Variants in HHAT observed in about 807,000 individuals in gnomAD.
HHAT encodes hedgehog acyltransferase.
A neutral mutation model predicts 70.8 loss-of-function variants in HHAT; 47 were observed. The observed-to-expected ratio is 0.66, with a 90% confidence interval of 0.53 to 0.85. The LOEUF is 0.85. Ranked by LOEUF, HHAT falls within the 40% of genes least tolerant of loss-of-function variation. The pLI is 0.00. For synonymous variants in HHAT, 228 were observed against 247.6 expected (o/e 0.92, Z 0.74); for missense variants, 609 against 604.8 (o/e 1.01, Z -0.07).
chr1:210,537,411 T>C (rs1045585736), intron 9 of HHAT, among the ~76,000 whole-genome samples: 1 of 152,194 alleles, frequency 6.6e-6, no homozygotes, highest in African/African-American at 2.4e-5. Flanking sequence ...AGCGCAATTA[T>C]TGTATCCCTC....
intron 9 of HHAT, among the ~76,000 whole-genome samples, chr1:210,564,908 A>G (rs879301205): frequency 6.6e-6 from 1 of 152,156 alleles, no homozygotes; most frequent in Admixed American, 6.5e-5. Flanking sequence ...TGCTCTTTCA[A>G]GGACCTTAAA....
chr1:210,579,117 G>C (rs148156509), intron 9 of HHAT, among the ~76,000 whole-genome samples: 1 of 152,276 alleles, frequency 6.6e-6, no homozygotes, highest in African/African-American at 2.4e-5. Flanking sequence ...TGGACACACA[G>C]AGGGGAATGA....
chr1:210,577,114 C>T (rs1396903436), intron 9 of HHAT, among the ~76,000 whole-genome samples: 4 of 150,606 alleles, frequency 2.7e-5, no homozygotes, highest in Admixed American at 1.3e-4. Context: ...CGTATAAGAT[C>T]ATGTCATCTA....
chr1:210,409,321 G>A (rs946793556), intron 6 of HHAT, among the ~76,000 whole-genome samples: 2 of 152,144 alleles, frequency 1.3e-5, no homozygotes, highest in African/African-American at 4.8e-5. Context: ...TGTGTGAGAG[G>A]AGTTAGAGGG....
chr1:210,578,462 T>C (rs565641744), intron 9 of HHAT, among the ~76,000 whole-genome samples: 219 of 152,330 alleles, frequency 1.4e-3, no homozygotes, highest in Admixed American at 3.8e-3. Context: ...GATTCAGTGA[T>C]CACACTTCTG....
intron 6 of HHAT, among the ~76,000 whole-genome samples, chr1:210,412,132 C>T (rs79813508): frequency 0.07 from 10,678 of 152,080 alleles, 1,249 homozygotes; most frequent in African/African-American, 0.25. Context: ...GGTGCTATTC[C>T]CAACCATGAA....
intron 8 of HHAT, among the ~76,000 whole-genome samples, chr1:210,483,491 G>A (rs11805488): frequency 6.6e-6 from 1 of 152,134 alleles, no homozygotes; most frequent in African/African-American, 2.4e-5. Flanking sequence ...GTCATTGGAA[G>A]GCAGGGGAGA....
intron 8 of HHAT, among the ~76,000 whole-genome samples, chr1:210,497,409 AAACAC>A (rs1316652850): frequency 2.0e-5 from 3 of 152,228 alleles, no homozygotes; most frequent in Non-Finnish European, 4.4e-5. Context: ...GACCAGTAGA[AAACAC>A]AACACAAAGT....
chr1:210,352,621 ACTG>A (rs1485363960), intron 2 of HHAT, among the ~76,000 whole-genome samples: 3 of 152,146 alleles, frequency 2.0e-5, no homozygotes, highest in Admixed American at 6.5e-5. Flanking sequence ...CATCTCATTC[ACTG>A]CTGTCTCTAT....
chr1:210,367,018 C>T (rs1320773817), intron 3 of HHAT, among the ~76,000 whole-genome samples: 1 of 152,158 alleles, frequency 6.6e-6, no homozygotes, highest in Non-Finnish European at 1.5e-5. Context: ...GCGCTGGGGA[C>T]AGTGGTGAGC....
In HHAT at chr1:210,538,905, C is replaced by T. The variant is rs137931449; in HGVS notation, c.1043+25717C>T. 3.6e-3 allele frequency among the ~76,000 whole-genome samples: 553 copies of T among 152,210 alleles called. 3 individuals are homozygous for T. The highest frequency in any genetic ancestry group is 0.013 in the African/African-American group (534 of 41,524). On this transcript the variant is annotated intron_variant, in intron 9 of 11. Transcript: ENST00000261458. ...CAGCCTGGCCAACATGGTGAAACCC[C>T]GTCTCTACCAAAAATACAAAAATTA...
At chr1:210,364,704 C>A (rs1450038954) in intron 3 of HHAT, among the ~76,000 whole-genome samples, 2 of 152,242 alleles carry the variant, frequency 1.3e-5, no homozygotes, top group African/African-American at 2.4e-5. Flanking sequence ...TGTCACTTCA[C>A]TGGGTCAAGC....
At chr1:210,504,864 C>T (rs2094822742) in intron 8 of HHAT, among the ~76,000 whole-genome samples, 1 of 150,982 alleles carries the variant, frequency 6.6e-6, no homozygotes, top group South Asian at 2.1e-4. Context: ...TTTATTTTCA[C>T]TTCACTTCTC....
chr1:210,357,527 A>G (rs1310352004), intron 2 of HHAT, among the ~76,000 whole-genome samples: 1 of 152,236 alleles, frequency 6.6e-6, no homozygotes, highest in Non-Finnish European at 1.5e-5. Context: ...CTAGCATTAA[A>G]ATACACAAAT....
intron 9 of HHAT, among the ~76,000 whole-genome samples, chr1:210,586,393 C>G (rs1660453703): frequency 6.6e-6 from 1 of 152,134 alleles, no homozygotes; most frequent in Admixed American, 6.5e-5. Flanking sequence ...TAAGCTGTGA[C>G]TGCACCACTC....
intron 10 of HHAT, among the ~76,000 whole-genome samples, chr1:210,600,057 T>C (rs971555875): frequency 1.3e-5 from 2 of 152,188 alleles, no homozygotes; most frequent in African/African-American, 2.4e-5. Context: ...TCAAATGATA[T>C]CTAGTTTGGA....
intron 11 of HHAT, among the ~76,000 whole-genome samples, chr1:210,647,313 T>A (rs1024493753): frequency 1.3e-5 from 2 of 152,190 alleles, no homozygotes; most frequent in African/African-American, 4.8e-5. Context: ...TCTGCAAAGA[T>A]CCCACTTCCA....
At chr1:210,391,244 A>G (rs946076193) in intron 4 of HHAT, among the ~76,000 whole-genome samples, 1 of 152,222 alleles carries the variant, frequency 6.6e-6, no homozygotes, top group Non-Finnish European at 1.5e-5. Context: ...ACTTTTGTCA[A>G]ACTAGAAAGT....
At chr1:210,628,021 G>A (rs561626608) in intron 11 of HHAT, among the ~76,000 whole-genome samples, 52 of 152,282 alleles carry the variant, frequency 3.4e-4, no homozygotes, top group African/African-American at 1.1e-3. Flanking sequence ...TGACATTGAA[G>A]CATAATATCT....
Sources: gnomAD v4.1 joint callset for allele counts (sites outside exome capture counted in the v4.1 genomes callset) on GRCh38, gnomAD v4.1.1 for gene constraint, MANE v1.5 for transcripts, NCBI Gene and HGNC (gene_info 2026-07-23, HGNC 2026-07-21) for gene names.